The following AGBL4 variants were observed in gnomAD, a reference collection of about 807,000 sequenced individuals.
AGBL4 encodes the protein cytosolic carboxypeptidase 6.
AGBL4 carries 58 observed loss-of-function variants against 66.4 expected under a neutral mutation model. That is an observed-to-expected ratio of 0.87 (90% CI 0.71 to 1.09). The LOEUF is 1.09. AGBL4 is among the 50% of genes least tolerant of loss of function. The pLI is 0.00. For synonymous variants in AGBL4, 234 were observed against 222.9 expected, an observed-to-expected ratio of 1.05 and a Z score of -0.44; for missense variants, 579 against 631.0, an observed-to-expected ratio of 0.92 and a Z score of 0.88.
chr1:49,851,405 A>C lies in AGBL4; in HGVS notation c.148T>G (p.Phe50Val), dbSNP rs1422514827. ...KKGHLIFDAC[F>V]ESGNLGRVDQ... ...CCTTTAATATACTTACCACTTTCAA[A>C]GCAAGCATCAAAGATAAGATGTCCT... The change falls in exon 2 of 14, where the codon TTT becomes GTT. Residue 50 changes from phenylalanine (F) to valine (V), a missense_variant. Transcript: ENST00000371839. The C allele has an allele frequency of 6.5e-7, 1 of 1,548,694 alleles. No individual in the cohort carries two copies.
intron 6 of AGBL4, among the ~76,000 whole-genome samples, chr1:48,860,177 G>A (rs2148817699): frequency 6.6e-6 from 1 of 152,254 alleles, no homozygotes; most frequent in East Asian, 1.9e-4. Flanking sequence ...TTCTACTGAC[G>A]AGGTTATAGG....
chr1:49,276,318 C>T (rs1433095852), intron 3 of AGBL4, among the ~76,000 whole-genome samples: 1 of 152,076 alleles, frequency 6.6e-6, no homozygotes, highest in Non-Finnish European at 1.5e-5. Context: ...CCTATCTGTA[C>T]CTAACAATCT....
At chr1:49,845,617 A>C (rs1166374708) in intron 2 of AGBL4, 1 of 1,606,974 alleles carries the variant, frequency 6.2e-7, no homozygotes, top group Non-Finnish European at 8.5e-7. Flanking sequence ...CACCCAGATC[A>C]CACCACTGAT....
In AGBL4 at chr1:48,774,105, G is replaced by C. The variant is rs1570628811; in HGVS notation, c.634+93086C>G. ...CATACTTCTCACCAAAAGCCAGAAA[G>C]CTGTGCTGAAACTACCTTGGAAACC... On this transcript the variant is annotated intron_variant, in intron 6 of 13. Transcript: ENST00000371839. 8.5e-5 allele frequency among the ~76,000 whole-genome samples: 13 copies of C among 152,340 alleles called. No homozygotes were observed. In the South Asian group the frequency reaches 2.5e-3, roughly 29 times the overall value.
At chr1:50,017,393 C>T (rs1412014500) in intron 1 of AGBL4, 1 of 152,076 alleles carries the variant, frequency 6.6e-6, no homozygotes, top group Non-Finnish European at 1.5e-5. Flanking sequence ...CAAATTTTCC[C>T]ATCAATAAAC....
chr1:49,561,767 T>C (rs1256252766), intron 3 of AGBL4, among the ~76,000 whole-genome samples: 1 of 152,152 alleles, frequency 6.6e-6, no homozygotes, highest in Non-Finnish European at 1.5e-5. Context: ...ACAATAAACA[T>C]ACGTGTGCAT....
chr1:49,233,560 C>G (rs1360255736), intron 4 of AGBL4, among the ~76,000 whole-genome samples: 9 of 152,192 alleles, frequency 5.9e-5, no homozygotes, highest in African/African-American at 1.9e-4. Context: ...CTTCACATAA[C>G]AGACACTGTC....
At chr1:49,971,907 G>GTTGTTTGTT (rs1553155278) in intron 1 of AGBL4, among the ~76,000 whole-genome samples, 3 of 23,430 alleles carry the variant, frequency 1.3e-4, no homozygotes, top group Non-Finnish European at 2.4e-4. Flanking sequence ...GTTTTTTTGG[G>GTTGTTTGTT]TTTTTTTTTT....
chr1:49,358,184 C>T (rs1181241435), intron 3 of AGBL4, among the ~76,000 whole-genome samples: 1 of 152,152 alleles, frequency 6.6e-6, no homozygotes, highest in Admixed American at 6.5e-5. Flanking sequence ...TAAGGCCCCA[C>T]CTGGGTTTTA....
chr1:49,010,516 T>C lies in AGBL4; in HGVS notation c.594+35068A>G, dbSNP rs1662308524. 3.7e-5 allele frequency among the ~76,000 whole-genome samples: 5 copies of C among 135,636 alleles called. No homozygotes were observed. The South Asian group carries it at 1.2e-3, about 33-fold the overall frequency. The allele number at this position is 135,636 out of a possible 152,430, so 89.0% of individuals were successfully genotyped here. A position where few individuals can be genotyped will look rare whatever the true frequency, so the allele number is the denominator to read the frequency against. On this transcript the variant is annotated intron_variant, in intron 5 of 13. Transcript: ENST00000371839. ...GCTACCAATGCCTTTCTTCACAGAATTGGAAAAAACTACTTTAAAGTTCAT... is the reference window on the plus strand; with the variant it reads ...GCTACCAATGCCTTTCTTCACAGAACTGGAAAAAACTACTTTAAAGTTCAT...
intron 3 of AGBL4, among the ~76,000 whole-genome samples, chr1:49,619,310 T>C (rs567058256): frequency 6.6e-6 from 1 of 152,236 alleles, no homozygotes; most frequent in East Asian, 1.9e-4. Context: ...CCACAAGCAT[T>C]CCTATACACC....
intron 1 of AGBL4, among the ~76,000 whole-genome samples, chr1:49,919,627 T>C (rs920970767): frequency 3.3e-5 from 5 of 152,062 alleles, no homozygotes; most frequent in Admixed American, 3.3e-4. Flanking sequence ...TGCTCATGGG[T>C]AGGAAGAATC....
chr1:49,829,000 C>G (rs1349952305), intron 2 of AGBL4, among the ~76,000 whole-genome samples: 1 of 150,764 alleles, frequency 6.6e-6, no homozygotes, highest in Non-Finnish European at 1.5e-5. Flanking sequence ...ACCCGGGAGG[C>G]GGAGCTTGCA....
At chr1:48,841,266 T>TA (rs1164278022) in intron 6 of AGBL4, among the ~76,000 whole-genome samples, 98 of 151,998 alleles carry the variant, frequency 6.4e-4, no homozygotes, top group Admixed American at 6.4e-3. Flanking sequence ...GGTGTGTTAA[T>TA]AAAAAATGAC....
chr1:49,490,976 A>G (rs1647174541), intron 3 of AGBL4, among the ~76,000 whole-genome samples: 1 of 151,760 alleles, frequency 6.6e-6, no homozygotes, highest in Non-Finnish European at 1.5e-5. Context: ...AGAAAGAAAG[A>G]AAAAATATCT....
At chr1:49,565,101 C>T (rs1644159718) in intron 3 of AGBL4, among the ~76,000 whole-genome samples, 1 of 152,138 alleles carries the variant, frequency 6.6e-6, no homozygotes, top group African/African-American at 2.4e-5. Flanking sequence ...GGTTTAAAGT[C>T]TGTTTTTTCT....
At chr1:48,718,331 A>T (rs1647086237) in intron 6 of AGBL4, among the ~76,000 whole-genome samples, 1 of 152,192 alleles carries the variant, frequency 6.6e-6, no homozygotes, top group Non-Finnish European at 1.5e-5. Flanking sequence ...TGGGCTACAC[A>T]GTGTTAAATC....
chr1:48,831,899 T>C (rs1039981629), intron 6 of AGBL4, among the ~76,000 whole-genome samples: 4 of 152,252 alleles, frequency 2.6e-5, no homozygotes, highest in East Asian at 3.9e-4. Flanking sequence ...TACAGGGATA[T>C]AGAGTGGGGA....
intron 3 of AGBL4, among the ~76,000 whole-genome samples, chr1:49,370,837 G>A (rs979058303): frequency 5.9e-5 from 9 of 151,934 alleles, no homozygotes; most frequent in African/African-American, 2.2e-4. Flanking sequence ...TAGTTAATTC[G>A]AACTGTCAAC....
Sources: gnomAD v4.1 joint callset for allele counts (sites outside exome capture counted in the v4.1 genomes callset) on GRCh38, gnomAD v4.1.1 for gene constraint, MANE v1.5 for transcripts, NCBI Gene and HGNC (gene_info 2026-07-23, HGNC 2026-07-21) for gene names.